The following EPHB1 variants were observed in gnomAD, a reference collection of about 807,000 sequenced individuals.
EPHB1 encodes the protein EPH receptor B1.
In EPHB1, 30 loss-of-function variants were observed where a neutral mutation model predicts 94.4. The ratio of observed to expected loss-of-function variants is 0.32; its 90% CI spans 0.24 to 0.43. The LOEUF is 0.43. EPHB1 is among the 20% of genes least tolerant of loss of function. The pLI, the probability that EPHB1 is intolerant of heterozygous loss-of-function variation, is 1.00. For missense variants in EPHB1, 1,055 were observed against 1,308.3 expected, an observed-to-expected ratio of 0.81 and a Z score of 2.99; for synonymous variants, 522 against 489.1, an observed-to-expected ratio of 1.07 and a Z score of -0.89.
chr3:135,226,614 C>T (rs1943409953), intron 12 of EPHB1, among the ~76,000 whole-genome samples: 1 of 152,138 alleles, frequency 6.6e-6, no homozygotes, highest in African/African-American at 2.4e-5. Context: ...CTGTGATAAC[C>T]AGCCCCATTC....
At chr3:134,826,430 C>G (rs903191685) in intron 1 of EPHB1, among the ~76,000 whole-genome samples, 3 of 152,140 alleles carry the variant, frequency 2.0e-5, no homozygotes, top group African/African-American at 7.2e-5. Flanking sequence ...CGGGCCTCTC[C>G]TTAGCAGTTC....
At chr3:134,808,980 A>G (rs1046941880) in intron 1 of EPHB1, among the ~76,000 whole-genome samples, 2 of 152,254 alleles carry the variant, frequency 1.3e-5, no homozygotes, top group African/African-American at 4.8e-5. Context: ...GAATTTAACC[A>G]CTGCATTTAA....
chr3:135,180,868 C>T (rs1313959081), intron 10 of EPHB1, among the ~76,000 whole-genome samples: 1 of 152,136 alleles, frequency 6.6e-6, no homozygotes, highest in East Asian at 1.9e-4. Flanking sequence ...TCTTTTCTTC[C>T]TCTTCAATTC....
chr3:135,154,371 G>A (rs2107695238), intron 6 of EPHB1, 95 bp downstream of exon 6: 1 of 1,536,010 alleles, frequency 6.5e-7, no homozygotes. Context: ...ATAGGCTGCT[G>A]AGGTGGGGAG....
chr3:134,948,012 C>T (rs1384943121), intron 2 of EPHB1, among the ~76,000 whole-genome samples: 1 of 152,002 alleles, frequency 6.6e-6, no homozygotes, highest in Non-Finnish European at 1.5e-5. Context: ...CCATTCTGGT[C>T]TTGAGTCCTG....
intron 1 of EPHB1, among the ~76,000 whole-genome samples, chr3:134,798,125 G>C (rs1192125809): frequency 6.6e-6 from 1 of 152,192 alleles, no homozygotes; most frequent in Non-Finnish European, 1.5e-5. Context: ...TCTCCCTGCT[G>C]ATTTCAGACT....
intron 5 of EPHB1, among the ~76,000 whole-genome samples, chr3:135,134,217 A>T (rs982407800): frequency 7.9e-5 from 12 of 152,204 alleles, no homozygotes; most frequent in African/African-American, 2.9e-4. Context: ...TTCTAAAAGG[A>T]CAGCTTGTTA....
intron 10 of EPHB1, among the ~76,000 whole-genome samples, chr3:135,186,498 A>G (rs1372522186): frequency 6.6e-6 from 1 of 152,216 alleles, no homozygotes; most frequent in South Asian, 2.1e-4. Flanking sequence ...TTCTTTAAAA[A>G]TTCCATTTCT....
chr3:134,907,654 C>A (rs929764314), intron 1 of EPHB1, among the ~76,000 whole-genome samples: 2 of 146,120 alleles, frequency 1.4e-5, no homozygotes, highest in Non-Finnish European at 3.0e-5. Flanking sequence ...GACCCCCCTG[C>A]CCGCCCCCTC....
At chr3:135,057,906 T>C (rs1220289600) in intron 3 of EPHB1, among the ~76,000 whole-genome samples, 1 of 152,228 alleles carries the variant, frequency 6.6e-6, no homozygotes, top group African/African-American at 2.4e-5. Context: ...TTAGCTCCCT[T>C]AGTTTAAGCG....
At chr3:135,186,965 C>A (rs1236626956) in intron 10 of EPHB1, among the ~76,000 whole-genome samples, 1 of 152,084 alleles carries the variant, frequency 6.6e-6, no homozygotes, top group African/African-American at 2.4e-5. Flanking sequence ...AGGTCACAGG[C>A]CCCACCTACT....
chr3:135,038,873 C>A (rs1936735256), intron 3 of EPHB1, among the ~76,000 whole-genome samples: 1 of 152,178 alleles, frequency 6.6e-6, no homozygotes, highest in African/African-American at 2.4e-5. Context: ...CTGGCTCCAG[C>A]AGCCTGCTTT....
rs140762504 is a variant in EPHB1 at position 135,079,611 on chromosome 3, G to C, written c.806-26837G>C. Among the ~76,000 whole-genome samples the C allele has an allele frequency of 9.8e-3, 1,493 of 152,196 alleles. 14 individuals carry two copies. The highest frequency in any genetic ancestry group is 0.024 in the Middle Eastern group (7 of 294). On this transcript the variant is annotated intron_variant, in intron 3 of 15. Transcript: ENST00000398015. ...AACCATCATCACATAGTGGAGTCCT[G>C]CCGTCCTGAGCTCCCTCGTGGCAGC...
intron 3 of EPHB1, among the ~76,000 whole-genome samples, chr3:134,978,839 G>T (rs886460130): frequency 6.6e-6 from 1 of 152,174 alleles, no homozygotes; most frequent in South Asian, 2.1e-4. Flanking sequence ...GAAACTCACC[G>T]CAGATGTGTG....
At chr3:134,877,625 G>T (rs1401810116) in intron 1 of EPHB1, among the ~76,000 whole-genome samples, 3 of 152,170 alleles carry the variant, frequency 2.0e-5, no homozygotes, top group African/African-American at 7.2e-5. Context: ...CTAGGTTTGT[G>T]AATAATTTAC....
intron 12 of EPHB1, among the ~76,000 whole-genome samples, chr3:135,209,285 A>G (rs1314140567): frequency 6.6e-6 from 1 of 152,246 alleles, no homozygotes; most frequent in Admixed American, 6.5e-5. Flanking sequence ...GGAGAGAAAC[A>G]GGATTTTACA....
chr3:135,199,206 G>A (rs1367255130), intron 11 of EPHB1, among the ~76,000 whole-genome samples: 1 of 152,152 alleles, frequency 6.6e-6, no homozygotes, highest in Non-Finnish European at 1.5e-5. Flanking sequence ...CTTACAGAGA[G>A]GAAATAATAG....
intron 3 of EPHB1, among the ~76,000 whole-genome samples, chr3:135,090,639 G>A (rs1938520789): frequency 6.6e-6 from 1 of 152,182 alleles, no homozygotes; most frequent in Non-Finnish European, 1.5e-5. Flanking sequence ...CCATGACCTT[G>A]GACAGGCCAC....
At chr3:135,139,226 A>G (rs572158829) in intron 5 of EPHB1, among the ~76,000 whole-genome samples, 2 of 152,294 alleles carry the variant, frequency 1.3e-5, no homozygotes, top group East Asian at 3.9e-4. Flanking sequence ...TAGTCATGTA[A>G]TCTGGAGTCT....
Sources: gnomAD v4.1 joint callset for allele counts (sites outside exome capture counted in the v4.1 genomes callset) on GRCh38, gnomAD v4.1.1 for gene constraint, MANE v1.5 for transcripts, NCBI Gene and HGNC (gene_info 2026-07-23, HGNC 2026-07-21) for gene names.